The following MCPH1 variants were observed in gnomAD, a reference collection of about 807,000 sequenced individuals.
MCPH1 encodes the protein microcephalin 1.
In MCPH1, 104 loss-of-function variants were observed where a neutral mutation model predicts 84.5. The ratio of observed to expected loss-of-function variants is 1.23; its 90% CI spans 1.05 to 1.45. MCPH1 has a LOEUF of 1.45. Ranked by LOEUF, MCPH1 falls within the 40% of genes most tolerant of loss-of-function variation. The probability of loss-of-function intolerance (pLI) is 0.00; values close to 1 mark genes in which losing one functional copy is unlikely to be tolerated. For synonymous variants in MCPH1, 514 were observed against 366.8 expected, an observed-to-expected ratio of 1.40 and a Z score of -4.58; for missense variants, 1,498 against 1,005.7, an observed-to-expected ratio of 1.49 and a Z score of -6.62.
At chr8:6,548,308 C>A (rs926617488) in intron 12 of MCPH1, among the ~76,000 whole-genome samples, 13 of 152,120 alleles carry the variant, frequency 8.5e-5, no homozygotes, top group African/African-American at 3.1e-4. Flanking sequence ...TCTACTCGTG[C>A]GTCACTTCCC....
At chr8:6,638,502 C>A (rs1397091718) in intron 13 of MCPH1, among the ~76,000 whole-genome samples, 1 of 151,596 alleles carries the variant, frequency 6.6e-6, no homozygotes, top group East Asian at 1.9e-4. Flanking sequence ...CATAAGACCA[C>A]ACAGAGCCAT....
At chr8:6,551,906 C>T (rs1012037180) in intron 12 of MCPH1, among the ~76,000 whole-genome samples, 1 of 152,184 alleles carries the variant, frequency 6.6e-6, no homozygotes, top group African/African-American at 2.4e-5. Flanking sequence ...TAAGCTACAT[C>T]TGTATGTAAT....
intron 3 of MCPH1, among the ~76,000 whole-genome samples, chr8:6,424,299 T>C (rs1343384738): frequency 6.6e-6 from 1 of 152,140 alleles, no homozygotes; most frequent in African/African-American, 2.4e-5. Context: ...AACTAACAGC[T>C]AGGTGGGGAA....
intron 11 of MCPH1, among the ~76,000 whole-genome samples, chr8:6,493,215 C>G (rs907143730): frequency 6.6e-6 from 1 of 152,168 alleles, no homozygotes; most frequent in Non-Finnish European, 1.5e-5. Context: ...CTGGTCATTG[C>G]TTAGCTGTAT....
chr8:6,503,341 G>T, intron 12 of MCPH1: 1 of 1,495,114 alleles, frequency 6.7e-7, no homozygotes, highest in Non-Finnish European at 9.2e-7. Context: ...CTCAGCTAAG[G>T]CAGGAGGCAC....
chr8:6,432,403 C>G (rs1438659046), intron 4 of MCPH1, among the ~76,000 whole-genome samples: 1 of 151,942 alleles, frequency 6.6e-6, no homozygotes, highest in African/African-American at 2.4e-5. Context: ...CCAATCGCGA[C>G]TGGTTGAATC....
chr8:6,612,662 T>TC (rs1220887552), intron 12 of MCPH1, among the ~76,000 whole-genome samples: 1 of 152,178 alleles, frequency 6.6e-6, no homozygotes, highest in Admixed American at 6.5e-5. Context: ...TGTTCCGACC[T>TC]CCCCTGCCTG....
chr8:6,568,613 G>A (rs932593183), intron 12 of MCPH1, among the ~76,000 whole-genome samples: 1 of 152,200 alleles, frequency 6.6e-6, no homozygotes, highest in Admixed American at 6.5e-5. Context: ...TTGCCAGCGT[G>A]CAATTTGAAA....
chr8:6,462,936 T>C (rs2916739), intron 9 of MCPH1, among the ~76,000 whole-genome samples: 40,152 of 152,086 alleles, frequency 0.26, 7,819 homozygotes, highest in African/African-American at 0.55. Flanking sequence ...AGGTCTCTCT[T>C]ACCTGCCTCC....
chr8:6,593,988 T>TA (rs951292165), intron 12 of MCPH1, among the ~76,000 whole-genome samples: 1 of 152,230 alleles, frequency 6.6e-6, no homozygotes, highest in African/African-American at 2.4e-5. Context: ...TCCAGGTGCC[T>TA]TCCCTATTGT....
intron 11 of MCPH1, among the ~76,000 whole-genome samples, chr8:6,490,349 G>C (rs1287820433): frequency 6.6e-6 from 1 of 152,160 alleles, no homozygotes; most frequent in Admixed American, 6.5e-5. Flanking sequence ...ACTGTCTTCA[G>C]CTGTCCATCA....
Position 6,432,689 on chromosome 8 carries a change from A to T in MCPH1, c.321+1103A>T, listed in dbSNP as rs189349514. On this transcript the variant is annotated intron_variant, in intron 4 of 13. Coordinates refer to ENST00000344683, the MANE Select transcript of MCPH1 (RefSeq NM_024596.5). Reference sequence around the variant, plus strand: ...TAGAGGAGAAATAACTGTGAATTTCACATTTCCTGAAAATAGTAAATGATA... The same window carrying T: ...TAGAGGAGAAATAACTGTGAATTTCTCATTTCCTGAAAATAGTAAATGATA... 8.5e-5 allele frequency among the ~76,000 whole-genome samples: 13 copies of T among 152,326 alleles called. No homozygotes were observed. The East Asian group carries it at 2.5e-3, about 29-fold the overall frequency.
intron 12 of MCPH1, chr8:6,514,866 G>T: frequency 4.5e-6 from 5 of 1,109,754 alleles, no homozygotes; most frequent in Non-Finnish European, 6.7e-6. Context: ...GACCCTGAGT[G>T]CAGGACTCAG....
At chr8:6,541,231 G>C (rs10088229) in intron 12 of MCPH1, among the ~76,000 whole-genome samples, 1,942 of 152,290 alleles carry the variant, frequency 0.013, 53 homozygotes, top group African/African-American at 0.043. Context: ...ACACAGCAGG[G>C]GATGCTTTGA....
At chr8:6,633,239 G>C (rs544461762) in intron 13 of MCPH1, among the ~76,000 whole-genome samples, 2 of 152,268 alleles carry the variant, frequency 1.3e-5, no homozygotes, top group Admixed American at 1.3e-4. Context: ...GAATTATACA[G>C]GAAGGGACAC....
chr8:6,532,043 A>G (rs1419461283), intron 12 of MCPH1, among the ~76,000 whole-genome samples: 1 of 152,210 alleles, frequency 6.6e-6, no homozygotes, highest in Non-Finnish European at 1.5e-5. Flanking sequence ...AGGGAGACAG[A>G]GGGGGTATTC....
intron 11 of MCPH1, among the ~76,000 whole-genome samples, chr8:6,497,157 C>T (rs1811328433): frequency 6.6e-6 from 1 of 151,894 alleles, no homozygotes; most frequent in African/African-American, 2.4e-5. Flanking sequence ...TTTGATCAGT[C>T]AGAAATTTGT....
intron 12 of MCPH1, among the ~76,000 whole-genome samples, chr8:6,504,854 T>C (rs78342398): frequency 6.6e-6 from 1 of 152,040 alleles, no homozygotes. Context: ...TTTGATACTG[T>C]GTGTGATTTC....
intron 12 of MCPH1, chr8:6,519,979 G>C (rs1332062975): frequency 6.2e-7 from 1 of 1,614,048 alleles, no homozygotes; most frequent in African/African-American, 1.3e-5. Flanking sequence ...TTTAGCAACA[G>C]TGGGGTCCTT....
Sources: gnomAD v4.1 joint callset for allele counts (sites outside exome capture counted in the v4.1 genomes callset) on GRCh38, gnomAD v4.1.1 for gene constraint, MANE v1.5 for transcripts, NCBI Gene and HGNC (gene_info 2026-07-23, HGNC 2026-07-21) for gene names.